CDC73: variants seen among roughly 807,000 people sequenced by gnomAD.
The protein encoded by CDC73 is parafibromin.
In CDC73, 21 loss-of-function variants were observed where a neutral mutation model predicts 83.7. That is an observed-to-expected ratio of 0.25 (90% CI 0.18 to 0.36). The LOEUF (loss-of-function observed/expected upper bound fraction) is 0.36, where lower values mean the gene tolerates loss of function less well. Ranked by LOEUF, CDC73 falls within the 10% of genes least tolerant of loss-of-function variation. The pLI is 1.00. For synonymous variants in CDC73, 224 were observed against 212.9 expected (o/e 1.05, Z -0.45); for missense variants, 342 against 653.3 (o/e 0.52, Z 5.19).
rs528066706 is a variant in CDC73 at position 193,252,473 on chromosome 1, T to C, written c.*1761T>C. On this transcript the variant is annotated 3_prime_UTR_variant, in exon 17 of 17. Coordinates refer to ENST00000367435, the MANE Select transcript of CDC73 (RefSeq NM_024529.5). ...TAAAGATTTTTGGTATTTGTACTTA[T>C]TTATGAACTTTACTTGAGACAGAAT... The C allele has an allele frequency of 3.6e-4, 83 of 229,984 alleles. No individual in the cohort carries two copies. The highest frequency in any genetic ancestry group is 1.1e-3 in the Admixed American group (20 of 17,670). 14.2% of individuals were successfully genotyped at this position (229,984 alleles called of 1,614,324 possible).
Position 193,177,358 on chromosome 1 carries a change from C to CAAAAAAAAAAAAA in CDC73, c.972+24924_972+24936dup, listed in dbSNP as rs10672869. 2.2e-3 allele frequency among the ~76,000 whole-genome samples: 153 copies of CAAAAAAAAAAAAA among 69,340 alleles called. 2 individuals are homozygous for CAAAAAAAAAAAAA. The highest frequency in any genetic ancestry group is 2.5e-3 in the Non-Finnish European group (95 of 38,590). 45.5% of individuals were successfully genotyped at this position (69,340 alleles called of 152,430 possible). A position where few individuals can be genotyped will look rare whatever the true frequency, so the allele number is the denominator to read the frequency against. ...TGAAACCCCATCTCTACTAAAAATA[C>CAAAAAAAAAAAAA]AAAAAAAAAAAAAAAAAAAAAATCA... On this transcript the variant is annotated intron_variant, in intron 10 of 16. Coordinates refer to ENST00000367435, the MANE Select transcript of CDC73 (RefSeq NM_024529.5).
At chr1:193,233,227 G>C (rs1677692571) in intron 14 of CDC73, 73 bp downstream of exon 14, 1 of 1,395,524 alleles carries the variant, frequency 7.2e-7, no homozygotes, top group South Asian at 1.2e-5. Flanking sequence ...TATTGCCGTT[G>C]ATGACGTTGC....
At chr1:193,129,487 A>AATTAATTTATTTATTTATTT (rs142942063) in intron 2 of CDC73, among the ~76,000 whole-genome samples, 1 of 142,790 alleles carries the variant, frequency 7.0e-6, no homozygotes, top group Non-Finnish European at 1.5e-5. Flanking sequence ...TTCAAAAAGA[A>AATTAATTTATTTATTTATTT]ATTTATTTAT....
intron 10 of CDC73, among the ~76,000 whole-genome samples, chr1:193,171,818 A>C (rs765615736): frequency 1.3e-5 from 2 of 152,226 alleles, no homozygotes; most frequent in Non-Finnish European, 1.5e-5. Context: ...ATTGTTCTGC[A>C]TACCACCACA....
intron 10 of CDC73, among the ~76,000 whole-genome samples, chr1:193,197,034 T>C (rs1677014383): frequency 6.6e-6 from 1 of 152,206 alleles, no homozygotes; most frequent in Non-Finnish European, 1.5e-5. Context: ...GGGACAAAGC[T>C]TTGTCTTTTA....
At chr1:193,219,893 A>G (rs1677436698) in intron 13 of CDC73, among the ~76,000 whole-genome samples, 1 of 152,246 alleles carries the variant, frequency 6.6e-6, no homozygotes, top group Non-Finnish European at 1.5e-5. Flanking sequence ...AGGAAAGAAC[A>G]GCAAAATAAA....
intron 10 of CDC73, among the ~76,000 whole-genome samples, chr1:193,176,264 C>G (rs1676600888): frequency 6.6e-6 from 1 of 152,114 alleles, no homozygotes; most frequent in Admixed American, 6.5e-5. Context: ...AAACCGTTTC[C>G]CTGATCTTTT....
chr1:193,241,834 C>T (rs1018646136), intron 15 of CDC73, among the ~76,000 whole-genome samples: 4 of 152,198 alleles, frequency 2.6e-5, no homozygotes, highest in African/African-American at 9.6e-5. Context: ...GGCCTGTCCT[C>T]AGGCCTCCAG....
intron 7 of CDC73, among the ~76,000 whole-genome samples, chr1:193,144,112 CAAAA>C (rs67477778): frequency 2.8e-4 from 18 of 64,388 alleles, no homozygotes; most frequent in East Asian, 2.6e-3. Flanking sequence ...TCTGTCTCAC[CAAAA>C]AAAAAAAAAA....
intron 10 of CDC73, among the ~76,000 whole-genome samples, chr1:193,169,554 T>A (rs559006726): frequency 5.5e-4 from 83 of 152,034 alleles, no homozygotes; most frequent in African/African-American, 1.8e-3. Flanking sequence ...CAAAAAAAAA[T>A]AAAAAATAAA....
At chr1:193,135,619 T>A in intron 5 of CDC73, 30 bp downstream of exon 5, 2 of 1,497,310 alleles carry the variant, frequency 1.3e-6, no homozygotes, top group Non-Finnish European at 1.8e-6. Flanking sequence ...AACAATTTTA[T>A]TTATATTGTT....
intron 13 of CDC73, among the ~76,000 whole-genome samples, chr1:193,224,462 C>CAT (rs1260510673): frequency 6.6e-6 from 1 of 151,676 alleles, no homozygotes; most frequent in Non-Finnish European, 1.5e-5. Flanking sequence ...CACATATGCA[C>CAT]ATACGAAATT....
rs1310468561 is a variant in CDC73 at position 193,168,336 on chromosome 1, G to A, written c.972+15892G>A. ...TTTGCTGTGTGCCTGCTGTATGCTA[G>A]GCAGTATTGTAGGCCCTGGGGATAT... is the stretch of plus-strand genomic sequence containing the variant. On this transcript the variant is annotated intron_variant, in intron 10 of 16. Transcript: ENST00000367435. 2.6e-5 allele frequency among the ~76,000 whole-genome samples: 4 copies of A among 152,280 alleles called. No homozygotes were observed. In the East Asian group the frequency reaches 7.7e-4, roughly 29 times the overall value.
intron 8 of CDC73, 43 bp downstream of exon 8, chr1:193,148,008 C>T (rs1558287583): frequency 7.9e-7 from 1 of 1,260,138 alleles, no homozygotes; most frequent in Non-Finnish European, 1.2e-6. Context: ...AATGAAGTTG[C>T]CACTTATATT....
chr1:193,245,642 A>C (rs950358080), intron 15 of CDC73, among the ~76,000 whole-genome samples: 1 of 152,112 alleles, frequency 6.6e-6, no homozygotes, highest in Admixed American at 6.6e-5. Flanking sequence ...TTTCATTTGG[A>C]TAAATGCCCA....
intron 2 of CDC73, 135 bp downstream of exon 2, chr1:193,125,352 A>G (rs2103114169): frequency 1.5e-6 from 1 of 685,030 alleles, no homozygotes; most frequent in Non-Finnish European, 2.7e-6. Flanking sequence ...TCGAACTCCT[A>G]GGCTCAAGTG....
chr1:193,233,191 G>A, intron 14 of CDC73, 37 bp downstream of exon 14: 1 of 1,558,040 alleles, frequency 6.4e-7, no homozygotes, highest in Non-Finnish European at 8.8e-7. Flanking sequence ...TTTCACAGGT[G>A]TTGAACCCAA....
chr1:193,129,443 T>G (rs1393977688), intron 2 of CDC73, among the ~76,000 whole-genome samples: 1 of 152,060 alleles, frequency 6.6e-6, no homozygotes, highest in African/African-American at 2.4e-5. Context: ...TTGCTTTATT[T>G]CTAATGATTA....
At chr1:193,177,359 A>G (rs1676624032) in intron 10 of CDC73, among the ~76,000 whole-genome samples, 1 of 19,894 alleles carries the variant, frequency 5.0e-5, no homozygotes, top group East Asian at 5.3e-4. Flanking sequence ...CTAAAAATAC[A>G]AAAAAAAAAA....
Sources: allele counts gnomAD v4.1 joint callset (sites outside exome capture counted in the v4.1 genomes callset), GRCh38; gene constraint gnomAD v4.1.1; transcripts MANE v1.5; gene names NCBI Gene and HGNC (gene_info 2026-07-23, HGNC 2026-07-21).